CSMD1: variants seen among roughly 807,000 people sequenced by gnomAD.
The protein encoded by CSMD1 is CUB and Sushi multiple domains 1.
Under a neutral mutation model 417.5 loss-of-function variants are expected in CSMD1, and 213 were observed. The ratio of observed to expected loss-of-function variants is 0.51; its 90% CI spans 0.46 to 0.57. CSMD1 has a LOEUF of 0.57. Ranked by LOEUF, CSMD1 falls within the 20% of genes least tolerant of loss-of-function variation. The pLI, the probability that CSMD1 is intolerant of heterozygous loss-of-function variation, is 0.00. For missense variants in CSMD1, 6,923 were observed against 4,529.7 expected, an observed-to-expected ratio of 1.53 and a Z score of -15.17; for synonymous variants, 2,862 against 1,736.8, an observed-to-expected ratio of 1.65 and a Z score of -16.11.
chr8:4,626,824 C>A (rs188084028), intron 2 of CSMD1, among the ~76,000 whole-genome samples: 8 of 152,254 alleles, frequency 5.3e-5, no homozygotes, highest in Non-Finnish European at 8.8e-5. Context: ...CTAGTTAATA[C>A]TCCAGGTTCT....
At chr8:4,941,484 G>C (rs1052363378) in intron 1 of CSMD1, among the ~76,000 whole-genome samples, 2 of 152,060 alleles carry the variant, frequency 1.3e-5, no homozygotes, top group African/African-American at 4.8e-5. Flanking sequence ...AGCAAGAATT[G>C]ATCTTCAGAA....
chr8:4,492,336 G>C (rs192548920), intron 2 of CSMD1, among the ~76,000 whole-genome samples: 1 of 152,208 alleles, frequency 6.6e-6, no homozygotes, highest in African/African-American at 2.4e-5. Flanking sequence ...GTGATCCAAG[G>C]AGAAAATTTA....
At chr8:4,211,592 A>T (rs1364151575) in intron 3 of CSMD1, among the ~76,000 whole-genome samples, 3 of 152,222 alleles carry the variant, frequency 2.0e-5, no homozygotes, top group Admixed American at 6.5e-5. Flanking sequence ...CTGAAACGGC[A>T]AAAGTCATCT....
At chr8:4,327,756 A>G (rs56014822) in intron 3 of CSMD1, among the ~76,000 whole-genome samples, 19,281 of 152,268 alleles carry the variant, frequency 0.13, 1,329 homozygotes, top group African/African-American at 0.16. Context: ...ATTGTTACAT[A>G]CATTATTTTT....
At chr8:4,110,846 C>G (rs1409595894) in intron 3 of CSMD1, among the ~76,000 whole-genome samples, 1 of 151,984 alleles carries the variant, frequency 6.6e-6, no homozygotes, top group African/African-American at 2.4e-5. Context: ...TTAAGGAAAT[C>G]AGAGACTTTT....
chr8:4,365,581 G>A (rs952727101), intron 3 of CSMD1, among the ~76,000 whole-genome samples: 93 of 152,282 alleles, frequency 6.1e-4, no homozygotes, highest in African/African-American at 2.2e-3. Context: ...ATGATATCAA[G>A]CAGATACTCT....
At chr8:3,617,358 G>C (rs1238983558) in intron 7 of CSMD1, among the ~76,000 whole-genome samples, 1 of 152,154 alleles carries the variant, frequency 6.6e-6, no homozygotes, top group Non-Finnish European at 1.5e-5. Flanking sequence ...GTTGGGACTT[G>C]CACCATCACA....
At chr8:3,907,538 T>G (rs1808191323) in intron 5 of CSMD1, among the ~76,000 whole-genome samples, 1 of 152,174 alleles carries the variant, frequency 6.6e-6, no homozygotes, top group African/African-American at 2.4e-5. Flanking sequence ...TTTGCTTTAT[T>G]TTTAAGGAAT....
At chr8:4,183,785 A>T (rs1377270529) in intron 3 of CSMD1, among the ~76,000 whole-genome samples, 2 of 152,218 alleles carry the variant, frequency 1.3e-5, no homozygotes, top group Non-Finnish European at 2.9e-5. Flanking sequence ...CTTTTCTTTC[A>T]GCATCACTTG....
chr8:3,242,849 C>T (rs189960228), intron 26 of CSMD1, among the ~76,000 whole-genome samples: 50 of 151,352 alleles, frequency 3.3e-4, no homozygotes, highest in East Asian at 3.1e-3. Context: ...GAGGTCAGGG[C>T]GCAGAAATAA....
chr8:4,257,777 C>G (rs940289962), intron 3 of CSMD1, among the ~76,000 whole-genome samples: 2 of 152,142 alleles, frequency 1.3e-5, no homozygotes, highest in African/African-American at 4.8e-5. Context: ...CAGCATCCGC[C>G]TCGTAGGAAT....
At chr8:3,407,725 A>C (rs897771652) in intron 14 of CSMD1, among the ~76,000 whole-genome samples, 174 bp downstream of exon 14, 1 of 152,158 alleles carries the variant, frequency 6.6e-6, no homozygotes, top group Non-Finnish European at 1.5e-5. Context: ...ACAGTGATAC[A>C]TTTGTTTTTA....
intron 8 of CSMD1, chr8:3,613,352 A>G: frequency 2.6e-6 from 1 of 387,768 alleles, no homozygotes; most frequent in Non-Finnish European, 5.1e-6. Context: ...AAATATTAAC[A>G]ATTATACACA....
intron 9 of CSMD1, among the ~76,000 whole-genome samples, chr8:3,579,556 C>T (rs1203325383): frequency 5.3e-5 from 8 of 151,964 alleles, no homozygotes; most frequent in Non-Finnish European, 1.2e-4. Flanking sequence ...TAGGAGAAAT[C>T]ATTTTTATCA....
At chr8:3,083,725 G>A (rs1343929909) in intron 49 of CSMD1, among the ~76,000 whole-genome samples, 7 of 130,084 alleles carry the variant, frequency 5.4e-5, no homozygotes, top group Admixed American at 4.5e-4. Context: ...CCGTGATCTC[G>A]GCTCACTGCA....
intron 5 of CSMD1, among the ~76,000 whole-genome samples, chr8:3,874,870 G>A (rs1358776389): frequency 6.6e-6 from 1 of 152,118 alleles, no homozygotes; most frequent in Non-Finnish European, 1.5e-5. Flanking sequence ...ACGGCAAAGG[G>A]TGGTGAGATC....
At chr8:4,899,098 C>T (rs145422287) in intron 1 of CSMD1, among the ~76,000 whole-genome samples, 2 of 152,294 alleles carry the variant, frequency 1.3e-5, no homozygotes, top group African/African-American at 4.8e-5. Flanking sequence ...TGATCTGTTA[C>T]ATAAATCTGA....
At chr8:3,856,532 T>A (rs950476585) in intron 5 of CSMD1, among the ~76,000 whole-genome samples, 2 of 152,182 alleles carry the variant, frequency 1.3e-5, no homozygotes, top group African/African-American at 4.8e-5. Context: ...ACGTAATAAA[T>A]GCAACGACTG....
intron 1 of CSMD1, among the ~76,000 whole-genome samples, chr8:4,846,034 G>C (rs560097472): frequency 7.9e-5 from 12 of 152,258 alleles, no homozygotes; most frequent in African/African-American, 2.9e-4. Flanking sequence ...TGTTTTTCCA[G>C]AATGAGCACT....
Sources: gnomAD v4.1 joint callset for allele counts (sites outside exome capture counted in the v4.1 genomes callset) on GRCh38, gnomAD v4.1.1 for gene constraint, MANE v1.5 for transcripts, NCBI Gene and HGNC (gene_info 2026-07-23, HGNC 2026-07-21) for gene names.